PTPRD: variants seen among roughly 807,000 people sequenced by gnomAD.
PTPRD encodes the protein protein tyrosine phosphatase receptor type D.
Under a neutral mutation model 214.5 loss-of-function variants are expected in PTPRD, and 34 were observed. That is an observed-to-expected ratio of 0.16 (90% confidence interval 0.12 to 0.21). The LOEUF is 0.21. Ranked by LOEUF, PTPRD falls within the 10% of genes least tolerant of loss-of-function variation. The pLI, the probability that PTPRD is intolerant of heterozygous loss-of-function variation, is 1.00. For synonymous variants in PTPRD, 1,128 were observed against 845.7 expected (o/e 1.33, Z -5.79); for missense variants, 2,545 against 2,398.7 (o/e 1.06, Z -1.27).
At chr9:8,539,829 T>C (rs1004892600) in intron 14 of PTPRD, among the ~76,000 whole-genome samples, 1 of 152,174 alleles carries the variant, frequency 6.6e-6, no homozygotes, top group Admixed American at 6.6e-5. Context: ...CAAAATACAA[T>C]TCTGAACTGG....
chr9:9,788,531 A>G lies in PTPRD; in HGVS notation c.-367-21680T>C, dbSNP rs537500828. On this transcript the variant is annotated intron_variant, in intron 5 of 45. Coordinates refer to ENST00000381196, the MANE Select transcript of PTPRD (RefSeq NM_002839.4). ...CGGGCCACGGCACTCCAGCCTGGGCAACAGTGAGAAGCTCCGTCTCAAAAA... is the reference window on the plus strand; with the variant it reads ...CGGGCCACGGCACTCCAGCCTGGGCGACAGTGAGAAGCTCCGTCTCAAAAA... Among the ~76,000 whole-genome samples, 317 of 148,504 alleles carry G rather than the reference A, an allele frequency of 2.1e-3. 1 individual carries two copies. The highest frequency in any genetic ancestry group is 7.6e-3 in the African/African-American group (303 of 39,930).
At chr9:8,694,246 A>C (rs2097862457) in intron 12 of PTPRD, among the ~76,000 whole-genome samples, 2 of 152,164 alleles carry the variant, frequency 1.3e-5, no homozygotes. Context: ...TCAAGAAGGA[A>C]TGGGAGATAT....
chr9:8,940,020 C>T (rs2099021437), intron 11 of PTPRD, among the ~76,000 whole-genome samples: 1 of 150,272 alleles, frequency 6.7e-6, no homozygotes, highest in South Asian at 2.1e-4. Context: ...CAAATATTAT[C>T]ATTTTAATTG....
At chr9:10,201,030 A>G (rs990271700) in intron 3 of PTPRD, among the ~76,000 whole-genome samples, 1 of 152,088 alleles carries the variant, frequency 6.6e-6, no homozygotes, top group Non-Finnish European at 1.5e-5. Context: ...ATTATTCTAA[A>G]GCATAATGAA....
intron 10 of PTPRD, among the ~76,000 whole-genome samples, chr9:9,175,537 C>T (rs549656393): frequency 1.7e-4 from 25 of 146,670 alleles, no homozygotes; most frequent in Non-Finnish European, 2.8e-4. Flanking sequence ...GCAGGAGAAT[C>T]GCTTGAACCT....
intron 9 of PTPRD, among the ~76,000 whole-genome samples, chr9:9,244,292 G>A (rs7866893): frequency 0.5 from 75,466 of 151,512 alleles, 18,989 homozygotes; most frequent in African/African-American, 0.55. Flanking sequence ...ACTACTTTAA[G>A]GTTCATATGG....
intron 2 of PTPRD, among the ~76,000 whole-genome samples, chr9:10,460,361 C>T (rs112487484): frequency 0.023 from 3,331 of 147,010 alleles, 104 homozygotes; most frequent in African/African-American, 0.072. Flanking sequence ...GCATTATTCA[C>T]AAAAATAGAT....
chr9:9,366,749 G>A (rs1470281580), intron 9 of PTPRD, among the ~76,000 whole-genome samples: 1 of 151,124 alleles, frequency 6.6e-6, no homozygotes, highest in Non-Finnish European at 1.5e-5. Flanking sequence ...ATTCTTCCGA[G>A]TAAAAAAGAG....
At chr9:9,897,131 T>TACACTTACACAC (rs1555295484) in intron 5 of PTPRD, among the ~76,000 whole-genome samples, 1 of 148,876 alleles carries the variant, frequency 6.7e-6, no homozygotes, top group African/African-American at 2.5e-5. Flanking sequence ...CTCTTACACT[T>TACACTTACACAC]ACACACACAC....
At chr9:8,846,879 T>G (rs968142702) in intron 11 of PTPRD, among the ~76,000 whole-genome samples, 7 of 152,156 alleles carry the variant, frequency 4.6e-5, no homozygotes, top group South Asian at 4.1e-4. Flanking sequence ...ACTGAAATAT[T>G]TGAAAGCAAG....
chr9:8,414,930 G>GGAGAGA (rs58529453), intron 35 of PTPRD, among the ~76,000 whole-genome samples: 832 of 49,162 alleles, frequency 0.017, 31 homozygotes, highest in Non-Finnish European at 0.02. Context: ...AGAGGGAGGG[G>GGAGAGA]GAGAGAGAGA....
Position 8,460,448 on chromosome 9 carries a change from T to C in PTPRD, c.3838A>G (p.Ile1280Val). ...AGAATAGCAATGACAATGCAGATGATAAAGACCACTGCAAGGACAGGACCT... is the reference window on the plus strand; with the variant it reads ...AGAATAGCAATGACAATGCAGATGACAAAGACCACTGCAAGGACAGGACCT... The part of the protein sequence containing the change: ...VVGPVLAVVF[I>V]ICIVIAILLY... Residue 1280 changes from isoleucine (I) to valine (V), a missense_variant, in exon 33 of 46, where the codon ATC becomes GTC. Coordinates refer to ENST00000381196, the MANE Select transcript of PTPRD (RefSeq NM_002839.4). The C allele has an allele frequency of 1.9e-6, 3 of 1,613,370 alleles. No individual in the cohort carries two copies. The highest frequency in any genetic ancestry group is 2.5e-6 in the Non-Finnish European group (3 of 1,179,570).
chr9:9,139,804 T>G (rs915508709), intron 10 of PTPRD, among the ~76,000 whole-genome samples: 1 of 152,212 alleles, frequency 6.6e-6, no homozygotes, highest in Non-Finnish European at 1.5e-5. Context: ...AGAGAACCAC[T>G]GTACCGGCAA....
At chr9:10,230,229 AACATCT>A (rs2099603938) in intron 3 of PTPRD, among the ~76,000 whole-genome samples, 1 of 152,058 alleles carries the variant, frequency 6.6e-6, no homozygotes, top group Non-Finnish European at 1.5e-5. Flanking sequence ...CAATCCTACC[AACATCT>A]TCATCTTTCA....
chr9:10,094,203 C>G (rs192882523), intron 3 of PTPRD, among the ~76,000 whole-genome samples: 5 of 151,476 alleles, frequency 3.3e-5, no homozygotes, highest in Admixed American at 3.3e-4. Context: ...CCTATTTATC[C>G]TATTTATTTA....
chr9:8,562,700 G>A (rs999965884), intron 14 of PTPRD, among the ~76,000 whole-genome samples: 2 of 152,114 alleles, frequency 1.3e-5, no homozygotes, highest in African/African-American at 4.8e-5. Context: ...GCCTCCTAAA[G>A]TGCCAGGATT....
chr9:9,426,689 G>C (rs981075500), intron 8 of PTPRD, among the ~76,000 whole-genome samples: 1 of 152,102 alleles, frequency 6.6e-6, no homozygotes, highest in Admixed American at 6.5e-5. Context: ...ATCTGGCTGG[G>C]TGCCCCTCTG....
chr9:9,514,080 GT>G (rs965531706), intron 8 of PTPRD, among the ~76,000 whole-genome samples: 1 of 152,002 alleles, frequency 6.6e-6, no homozygotes, highest in African/African-American at 2.4e-5. Context: ...AAAGTCCCTT[GT>G]TTTTGTGCTT....
intron 5 of PTPRD, among the ~76,000 whole-genome samples, chr9:9,777,916 T>C (rs2098811297): frequency 6.6e-6 from 1 of 152,206 alleles, no homozygotes; most frequent in Non-Finnish European, 1.5e-5. Context: ...TGAGTCATTG[T>C]CTATAATGCC....
Sources: gnomAD v4.1 joint callset for allele counts (sites outside exome capture counted in the v4.1 genomes callset) on GRCh38, gnomAD v4.1.1 for gene constraint, MANE v1.5 for transcripts, NCBI Gene and HGNC (gene_info 2026-07-23, HGNC 2026-07-21) for gene names.